ATP1A4: variants seen among roughly 807,000 people sequenced by gnomAD.
ATP1A4 encodes ATPase Na+/K+ transporting subunit alpha 4.
A neutral mutation model predicts 114.3 loss-of-function variants in ATP1A4; 90 were observed. The ratio of observed to expected loss-of-function variants is 0.79; its 90% CI spans 0.66 to 0.94. The LOEUF (loss-of-function observed/expected upper bound fraction) is 0.94, where lower values mean the gene tolerates loss of function less well. Among genes scored for constraint, ATP1A4 ranks in the 40% least tolerant of loss-of-function variants. The probability of loss-of-function intolerance (pLI) is 0.00; values close to 1 mark genes in which losing one functional copy is unlikely to be tolerated. For missense variants in ATP1A4, 1,222 were observed against 1,313.6 expected, an observed-to-expected ratio of 0.93 and a Z score of 1.08; for synonymous variants, 511 against 494.1, an observed-to-expected ratio of 1.03 and a Z score of -0.45.
At chr1:160,171,152 T>C in intron 10 of ATP1A4, 99 bp from the exon 11 acceptor site, 2 of 1,137,670 alleles carry the variant, frequency 1.8e-6, no homozygotes, top group Non-Finnish European at 2.5e-6. Context: ...AATGGGGGTA[T>C]GAAACACATT....
intron 10 of ATP1A4, among the ~76,000 whole-genome samples, chr1:160,169,002 A>T (rs1048326745): frequency 6.7e-6 from 1 of 149,938 alleles, no homozygotes; most frequent in Non-Finnish European, 1.5e-5. Flanking sequence ...TGGGGCATCC[A>T]ACAAATAGTG....
chr1:160,176,003 T>G, intron 15 of ATP1A4, 89 bp from the exon 16 acceptor site: 1 of 1,374,998 alleles, frequency 7.3e-7, no homozygotes. Flanking sequence ...CTGTGACACT[T>G]CTTTGAGGTG....
Position 160,181,760 on chromosome 1 carries a change from CG to C in ATP1A4, c.2815del (p.Asp939IlefsTer17), listed in dbSNP as rs779877987. On this transcript the variant is annotated frameshift_variant, in exon 19 of 22. Coordinates refer to ENST00000368081, the MANE Select transcript of ATP1A4 (RefSeq NM_144699.4). LOFTEE classifies it high-confidence loss of function. ...GTCACCATCGTGGTTGTGCAGTGGG[CG>C]GATCTCATCATCTCCAAGACTCGCC... is the stretch of plus-strand genomic sequence containing the variant. ...FFVTIVVVQW[A>X]DLIISKTRRN... The C allele has an allele frequency of 5.0e-6, 8 of 1,613,824 alleles. No homozygotes were observed. Among genetic ancestry groups the C allele is most frequent in the Non-Finnish European group, 6.8e-6 (8 of 1,180,002 alleles).
At chr1:160,177,697 C>T in intron 18 of ATP1A4, 33 bp downstream of exon 18, 1 of 1,611,508 alleles carries the variant, frequency 6.2e-7, no homozygotes, top group South Asian at 1.1e-5. Flanking sequence ...GAGCTGAGAC[C>T]AGTAAGAGTG....
Position 160,166,723 on chromosome 1 carries a change from A to T in ATP1A4, c.1243A>T (p.Thr415Ser). 6.2e-7 allele frequency: 1 copy of T among 1,614,172 alleles called. No individual in the cohort carries two copies. Among genetic ancestry groups the T allele is most frequent in the South Asian group, 1.1e-5 (1 of 91,080 alleles). Reference protein sequence around the residue: ...VYEADTTEEQTGKTFTKSSDT... With the variant: ...VYEADTTEEQSGKTFTKSSDT... ...TGAGGCCGACACCACTGAAGAACAG[A>T]CTGGTGACTAGTGGTATTGGTGGAA... is the stretch of plus-strand genomic sequence containing the variant. Residue 415 changes from threonine to serine, a missense_variant, in exon 8 of 22, where the codon ACT (threonine) becomes TCT (serine). Coordinates refer to ENST00000368081, the MANE Select transcript of ATP1A4 (RefSeq NM_144699.4).
At chr1:160,170,412 G>A (rs1038168128) in intron 10 of ATP1A4, 1 of 152,402 alleles carries the variant, frequency 6.6e-6, no homozygotes, top group African/African-American at 2.4e-5. Flanking sequence ...GCGACAGAGT[G>A]AGACTCCATC....
intron 6 of ATP1A4, among the ~76,000 whole-genome samples, chr1:160,162,091 G>A (rs549581658): frequency 2.0e-5 from 3 of 152,238 alleles, no homozygotes; most frequent in South Asian, 2.1e-4. Context: ...ATTCCATTTC[G>A]AAGATGAGGA....
At chr1:160,157,017 T>C (rs1308786566) in intron 4 of ATP1A4, among the ~76,000 whole-genome samples, 1 of 152,072 alleles carries the variant, frequency 6.6e-6, no homozygotes, top group African/African-American at 2.4e-5. Flanking sequence ...GGTAGGAGGA[T>C]TGCTTGAGCA....
intron 20 of ATP1A4, among the ~76,000 whole-genome samples, chr1:160,185,602 A>T (rs1235153416): frequency 6.6e-6 from 1 of 151,974 alleles, no homozygotes; most frequent in African/African-American, 2.4e-5. Flanking sequence ...TCTGGGCAAC[A>T]TGGCGAAACC....
chr1:160,186,174 A>T, intron 20 of ATP1A4, 102 bp from the exon 21 acceptor site: 1 of 737,888 alleles, frequency 1.4e-6, no homozygotes. Context: ...CGCACACAGT[A>T]GACACAAGCA....
chr1:160,164,153 C>A lies in ATP1A4; in HGVS notation c.779-3C>A. The A allele has an allele frequency of 6.2e-7, 1 of 1,613,458 alleles. No homozygotes were observed. Reference sequence around the variant, plus strand: ...ACATTGCCCTCTCCTGCTTCATCCACAGGAACCGCCCGGGGTATTGTGATT... The same window carrying A: ...ACATTGCCCTCTCCTGCTTCATCCAAAGGAACCGCCCGGGGTATTGTGATT... On this transcript the variant is annotated splice_region_variant and splice_polypyrimidine_tract_variant and intron_variant, in intron 6 of 21. Coordinates refer to ENST00000368081, the MANE Select transcript of ATP1A4 (RefSeq NM_144699.4).
intron 6 of ATP1A4, among the ~76,000 whole-genome samples, chr1:160,160,105 C>T (rs1214141809): frequency 6.6e-6 from 1 of 152,214 alleles, no homozygotes; most frequent in Non-Finnish European, 1.5e-5. Context: ...TTCTGTCAAT[C>T]TCTCCTTTGC....
chr1:160,166,589 A>G lies in ATP1A4; in HGVS notation c.1109A>G (p.Glu370Gly), dbSNP rs1351677317. The change falls in exon 8 of 22, where the codon GAG (glutamate) becomes GGG (glycine). Residue 370 changes from glutamate to glycine, a missense_variant. Transcript: ENST00000368081. ...AAGAACTGCCTGGTGAAGAACCTGGAGGCGGTGGAGACGCTGGGCTCCACG... is the reference window on the plus strand; with the variant it reads ...AAGAACTGCCTGGTGAAGAACCTGGGGGCGGTGGAGACGCTGGGCTCCACG... ...ARKNCLVKNL[E>G]AVETLGSTST... The G allele has an allele frequency of 6.2e-7, 1 of 1,614,110 alleles. No individual in the cohort carries two copies. The highest frequency in any genetic ancestry group is 1.7e-5 in the Admixed American group (1 of 60,008).
At chr1:160,160,946 A>C (rs2101630176) in intron 6 of ATP1A4, among the ~76,000 whole-genome samples, 1 of 152,300 alleles carries the variant, frequency 6.6e-6, no homozygotes, top group South Asian at 2.1e-4. Context: ...TTAGGAAAAA[A>C]TTTGCCCAAA....
In ATP1A4 at chr1:160,186,874, G is replaced by A. The variant is rs921276112; in HGVS notation, c.*175G>A. 2.0e-5 allele frequency: 15 copies of A among 747,100 alleles called. No homozygotes were observed. Among genetic ancestry groups the A allele is most frequent in the Non-Finnish European group, 3.2e-5 (14 of 444,368 alleles). The allele number at this position is 747,100 out of a possible 1,614,324, so 46.3% of individuals were successfully genotyped here. A position where few individuals can be genotyped will look rare whatever the true frequency, so the allele number is the denominator to read the frequency against. ...TCATGGGCAGAGGATGAGGTGGGCTGAAGGGAAGCCCAGCCTGCATCTAGC... is the reference window on the plus strand; with the variant it reads ...TCATGGGCAGAGGATGAGGTGGGCTAAAGGGAAGCCCAGCCTGCATCTAGC... On this transcript the variant is annotated 3_prime_UTR_variant, in exon 22 of 22. Coordinates refer to ENST00000368081, the MANE Select transcript of ATP1A4 (RefSeq NM_144699.4).
rs756173534 is a variant in ATP1A4 at position 160,155,240 on chromosome 1, A to G, written c.403A>G (p.Lys135Glu). ...IQIYFNEEPT[K>E]DNLYLSIVLS... is the part of the protein sequence containing the mutation. The stretch of plus-strand genomic sequence containing the variant: ...GATATATTTCAATGAGGAGCCTACC[A>G]AAGACAACGTGAGTCTCTTCAGCTA... Residue 135 changes from lysine to glutamate, a missense_variant, in exon 3 of 22, where the codon AAA (lysine) becomes GAA (glutamate). Coordinates refer to ENST00000368081, the MANE Select transcript of ATP1A4 (RefSeq NM_144699.4). 6.2e-7 allele frequency: 1 copy of G among 1,613,064 alleles called. No individual in the cohort carries two copies. Among genetic ancestry groups the G allele is most frequent in the Non-Finnish European group, 8.5e-7 (1 of 1,179,622 alleles).
chr1:160,166,743 G>A lies in ATP1A4; in HGVS notation c.1246+17G>A, dbSNP rs1346400720. On this transcript the variant is annotated intron_variant, in intron 8 of 21. Transcript: ENST00000368081. The stretch of plus-strand genomic sequence containing the variant: ...AACAGACTGGTGACTAGTGGTATTG[G>A]TGGAACAAGAGTGGAGGGATTTGGG... The A allele has an allele frequency of 1.2e-6, 2 of 1,614,128 alleles. No individual in the cohort carries two copies. Among genetic ancestry groups the A allele is most frequent in the East Asian group, 4.5e-5 (2 of 44,880 alleles).
chr1:160,165,758 C>G (rs1219746155), intron 7 of ATP1A4, among the ~76,000 whole-genome samples: 1 of 152,134 alleles, frequency 6.6e-6, no homozygotes, highest in Non-Finnish European at 1.5e-5. Context: ...AAAAAAAGAA[C>G]TATTGGTCCA....
intron 12 of ATP1A4, among the ~76,000 whole-genome samples, chr1:160,172,119 G>T (rs112702124): frequency 1.3e-5 from 2 of 152,148 alleles, no homozygotes; most frequent in African/African-American, 4.8e-5. Context: ...TCAGACCAAC[G>T]TGCGTGCAGA....
Sources: gnomAD v4.1 joint callset for allele counts (sites outside exome capture counted in the v4.1 genomes callset) on GRCh38, gnomAD v4.1.1 for gene constraint, MANE v1.5 for transcripts, NCBI Gene and HGNC (gene_info 2026-07-23, HGNC 2026-07-21) for gene names.